Variants in PCDHGA11 observed in about 807,000 individuals in gnomAD.
PCDHGA11 encodes protocadherin gamma-A11.
In PCDHGA11, 39 loss-of-function variants were observed where a neutral mutation model predicts 60.4. The ratio of observed to expected loss-of-function variants is 0.65; its 90% CI spans 0.50 to 0.84. The LOEUF (loss-of-function observed/expected upper bound fraction) is 0.84. Ranked by LOEUF, PCDHGA11 falls within the 40% of genes least tolerant of loss-of-function variation. The pLI is 0.00. For missense variants in PCDHGA11, 1,165 were observed against 1,197.7 expected (o/e 0.97, Z 0.40); for synonymous variants, 533 against 510.3 (o/e 1.04, Z -0.60).
chr5:141,423,106 G>T lies in PCDHGA11; in HGVS notation c.1879G>T (p.Val627Leu), dbSNP rs562864937. Residue 627 changes from valine to leucine, a missense_variant, in exon 1 of 4, where the codon GTG becomes TTG. Coordinates refer to ENST00000398587, the MANE Select transcript of PCDHGA11 (RefSeq NM_018914.3). The part of the protein sequence containing the change: ...LFAVGEHTGE[V>L]RTARALLDRD... ...CGCGGTGGGGGAGCACACGGGCGAGGTGCGTACAGCGCGGGCACTGCTGGA... is the reference window on the plus strand; with the variant it reads ...CGCGGTGGGGGAGCACACGGGCGAGTTGCGTACAGCGCGGGCACTGCTGGA... The T allele has an allele frequency of 1.2e-5, 19 of 1,613,894 alleles. No individual in the cohort carries two copies. The African/African-American group carries it at 2.1e-4, about 18-fold the overall frequency.
In PCDHGA11 at chr5:141,491,893, G is replaced by C. The variant is rs2099734820; in HGVS notation, c.2434-2914G>C. The C allele has an allele frequency of 6.9e-7, 1 of 1,438,856 alleles. No individual in the cohort carries two copies. The highest frequency in any genetic ancestry group is 9.2e-7 in the Non-Finnish European group (1 of 1,088,104). 89.1% of individuals were successfully genotyped at this position (1,438,856 alleles called of 1,614,324 possible). A position where few individuals can be genotyped will look rare whatever the true frequency, so the allele number is the denominator to read the frequency against. ...GGCCGATTAAGGGATGGGGCTCCGA[G>C]CACCGGGGGTGGTGGCGACTGTGGG... On this transcript the variant is annotated intron_variant, in intron 1 of 3. Coordinates refer to ENST00000398587, the MANE Select transcript of PCDHGA11 (RefSeq NM_018914.3). The surrounding 1 kb of genome is among the most constrained non-coding windows in gnomAD (Gnocchi z 6.9).
At chr5:141,429,378 T>TTTG (rs2097208019) in intron 1 of PCDHGA11, among the ~76,000 whole-genome samples, 1 of 105,336 alleles carries the variant, frequency 9.5e-6, no homozygotes, top group African/African-American at 5.2e-5. Flanking sequence ...AGAAAATGTG[T>TTTG]TTTTTTTTTA....
At chr5:141,497,464 TGGA>T (rs769464389) in intron 2 of PCDHGA11, among the ~76,000 whole-genome samples, 3 of 151,764 alleles carry the variant, frequency 2.0e-5, no homozygotes, top group Non-Finnish European at 4.4e-5. Context: ...CTTGGAGATA[TGGA>T]GGAGAAGGTG....
At chr5:141,459,165 C>T (rs1418626354) in intron 1 of PCDHGA11, among the ~76,000 whole-genome samples, 2 of 152,130 alleles carry the variant, frequency 1.3e-5, no homozygotes, top group African/African-American at 4.8e-5. Context: ...ATTTCTATAA[C>T]CTTCAAAAGT....
At chr5:141,430,638 G>A in intron 1 of PCDHGA11, 1 of 898,338 alleles carries the variant, frequency 1.1e-6, no homozygotes, top group Non-Finnish European at 1.6e-6. Flanking sequence ...CCATCCCTGG[G>A]AGTATGTGGA....
In PCDHGA11 at chr5:141,493,930, A is replaced by G. The variant is rs547125826; in HGVS notation, c.2434-877A>G. Among the ~76,000 whole-genome samples the G allele has an allele frequency of 6.6e-6, 1 of 152,268 alleles. No homozygotes were observed. The highest frequency in any genetic ancestry group is 6.5e-5 in the Admixed American group (1 of 15,300). ...TGTGATGGGATAACACACCCCCTGG[A>G]AAGACCAGAAGGGACTCAGGAATGA... On this transcript the variant is annotated intron_variant, in intron 1 of 3. Transcript: ENST00000398587. This position sits in a 1 kb window ranked among gnomAD's most constrained non-coding sequence, Gnocchi z 4.3.
At chr5:141,488,687 GA>G (rs1238909682) in intron 1 of PCDHGA11, among the ~76,000 whole-genome samples, 1 of 152,192 alleles carries the variant, frequency 6.6e-6, no homozygotes, top group East Asian at 1.9e-4. Flanking sequence ...GCCTCTCCCA[GA>G]AGGACAAGAT....
At chr5:141,502,880 T>TTTTTTTTTTG (rs2099816747) in intron 2 of PCDHGA11, among the ~76,000 whole-genome samples, 1 of 151,000 alleles carries the variant, frequency 6.6e-6, no homozygotes, top group African/African-American at 2.4e-5. Context: ...TTTTTTTTTT[T>TTTTTTTTTTG]GACAGGGAGT....
At position 141,490,785 on chromosome 5, in the gene PCDHGA11, G is replaced by A. The variant is rs1021708826; in HGVS notation, c.2434-4022G>A. 1.2e-6 allele frequency: 2 copies of A among 1,614,066 alleles called. No individual in the cohort carries two copies. Among genetic ancestry groups the A allele is most frequent in the Non-Finnish European group, 1.7e-6 (2 of 1,179,952 alleles). On this transcript the variant is annotated intron_variant, in intron 1 of 3. Coordinates refer to ENST00000398587, the MANE Select transcript of PCDHGA11 (RefSeq NM_018914.3). The surrounding 1 kb of genome is among the most constrained non-coding windows in gnomAD (Gnocchi z 5.4). ...TGTATGTCAACCCAGAGGATGGACG[G>A]ATCTTTGCCCAGCGTACCTTTGACT...
chr5:141,452,525 G>A (rs1227647193), intron 1 of PCDHGA11, among the ~76,000 whole-genome samples: 3 of 152,126 alleles, frequency 2.0e-5, no homozygotes, highest in Admixed American at 6.5e-5. Flanking sequence ...CCTCAAAATC[G>A]TGAGTTCATA....
intron 1 of PCDHGA11, among the ~76,000 whole-genome samples, chr5:141,462,027 TG>T (rs1239347302): frequency 6.6e-6 from 1 of 152,220 alleles, no homozygotes; most frequent in African/African-American, 2.4e-5. Flanking sequence ...TTCTTCATGT[TG>T]GTCAGGCGGG....
intron 1 of PCDHGA11, among the ~76,000 whole-genome samples, chr5:141,444,476 C>A (rs1228271706): frequency 6.6e-6 from 1 of 152,088 alleles, no homozygotes; most frequent in Non-Finnish European, 1.5e-5. Flanking sequence ...CGGTCGCGTA[C>A]TGGATTTATA....
chr5:141,473,151 T>C (rs2099315238), intron 1 of PCDHGA11, among the ~76,000 whole-genome samples: 1 of 152,242 alleles, frequency 6.6e-6, no homozygotes. Context: ...TTCAGATCAC[T>C]AGGGCTAGGA....
At chr5:141,451,180 T>C (rs1318435826) in intron 1 of PCDHGA11, among the ~76,000 whole-genome samples, 4 of 152,180 alleles carry the variant, frequency 2.6e-5, no homozygotes, top group Non-Finnish European at 4.4e-5. Flanking sequence ...ATTTAGCCAT[T>C]GCTGTGTAAC....
intron 1 of PCDHGA11, chr5:141,441,955 A>G: frequency 3.1e-6 from 1 of 320,028 alleles, no homozygotes; most frequent in Non-Finnish European, 6.0e-6. Context: ...GCAGGCCAGC[A>G]AGCCCAGGCT....
At position 141,485,800 on chromosome 5, in the gene PCDHGA11, C is replaced by T. The variant is rs1231777430; in HGVS notation, c.2434-9007C>T. On this transcript the variant is annotated intron_variant, in intron 1 of 3. Coordinates refer to ENST00000398587, the MANE Select transcript of PCDHGA11 (RefSeq NM_018914.3). This position sits in a 1 kb window ranked among gnomAD's most constrained non-coding sequence, Gnocchi z 5.7. The stretch of plus-strand genomic sequence containing the variant: ...ATCGAGAGAAGCAATCGGACTACCG[C>T]CTGGTGCTGACTGCTGTCGATGGAG... 1 of 1,614,228 alleles carries T rather than the reference C, an allele frequency of 6.2e-7. No homozygotes were observed. Among genetic ancestry groups the T allele is most frequent in the East Asian group, 2.2e-5 (1 of 44,878 alleles).
intron 1 of PCDHGA11, among the ~76,000 whole-genome samples, chr5:141,444,977 T>A (rs2098452876): frequency 1.3e-5 from 2 of 152,200 alleles, no homozygotes; most frequent in South Asian, 4.1e-4. Flanking sequence ...TTCAAATCCA[T>A]GAACATGGTA....
rs777697738 is a variant in PCDHGA11, at chr5:141,422,301, G to A, written c.1074G>A (p.Leu358=). The A allele has an allele frequency of 2.3e-5, 36 of 1,549,184 alleles. No individual in the cohort carries two copies. Among genetic ancestry groups the A allele is most frequent in the Non-Finnish European group, 3.1e-5 (36 of 1,154,910 alleles). Reference sequence around the variant, plus strand: ...TCACCTCTTCTATTAATTCAATTCTGGAAAACTCTCCTCCAGGTACAGTGA... The same window carrying A: ...TCACCTCTTCTATTAATTCAATTCTAGAAAACTCTCCTCCAGGTACAGTGA... ...ITITSSINSI[L]ENSPPGTVIA... Residue 358 remains leucine (L), a synonymous_variant, in exon 1 of 4, where the codon CTG becomes CTA. Transcript: ENST00000398587.
intron 3 of PCDHGA11, among the ~76,000 whole-genome samples, chr5:141,509,422 G>A (rs1181133903): frequency 3.3e-5 from 5 of 152,136 alleles, no homozygotes; most frequent in Non-Finnish European, 5.9e-5. Flanking sequence ...GCCCCAATGA[G>A]TCAAACTCTT....
Sources: gnomAD v4.1 joint callset for allele counts (sites outside exome capture counted in the v4.1 genomes callset) on GRCh38, gnomAD v4.1.1 for gene constraint, Gnocchi (gnomAD v3.1) non-coding constraint, MANE v1.5 for transcripts, NCBI Gene and HGNC (gene_info 2026-07-23, HGNC 2026-07-21) for gene names.